The following ZNF804B variants were observed in gnomAD, a reference collection of about 807,000 sequenced individuals.
ZNF804B encodes the protein zinc finger 804B.
Under a neutral mutation model 101.4 loss-of-function variants are expected in ZNF804B, and 80 were observed. The observed-to-expected ratio is 0.79, with a 90% CI of 0.66 to 0.95. ZNF804B has a LOEUF of 0.95. Among genes scored for constraint, ZNF804B ranks in the 40% least tolerant of loss-of-function variants. The probability of loss-of-function intolerance (pLI) is 0.00; values close to 1 mark genes in which losing one functional copy is unlikely to be tolerated. For missense variants in ZNF804B, 1,673 were observed against 1,561.9 expected (o/e 1.07, Z -1.20); for synonymous variants, 622 against 558.8 (o/e 1.11, Z -1.59).
intron 1 of ZNF804B, among the ~76,000 whole-genome samples, chr7:88,986,945 A>T (rs889039742): frequency 1.3e-5 from 2 of 152,114 alleles, no homozygotes; most frequent in African/African-American, 4.8e-5. Flanking sequence ...CAAGTAAATC[A>T]ATGTTTGAAG....
At chr7:88,948,303 T>C (rs1205642346) in intron 1 of ZNF804B, among the ~76,000 whole-genome samples, 1 of 128,214 alleles carries the variant, frequency 7.8e-6, no homozygotes, top group Non-Finnish European at 1.6e-5. Context: ...TAGCCACCCA[T>C]CCATTTTTTT....
intron 1 of ZNF804B, among the ~76,000 whole-genome samples, chr7:89,010,234 T>TGG (rs34078059): frequency 0.14 from 21,330 of 152,084 alleles, 1,949 homozygotes; most frequent in East Asian, 0.29. Flanking sequence ...ATTTCATAAC[T>TGG]GACACTCAGA....
chr7:89,022,332 G>A (rs1014202862), intron 1 of ZNF804B, among the ~76,000 whole-genome samples: 2 of 152,090 alleles, frequency 1.3e-5, no homozygotes, highest in South Asian at 2.1e-4. Flanking sequence ...TTTACATTAC[G>A]AACTTTTAAA....
At chr7:89,288,916 A>T (rs2115891373) in intron 2 of ZNF804B, among the ~76,000 whole-genome samples, 1 of 152,350 alleles carries the variant, frequency 6.6e-6, no homozygotes, top group South Asian at 2.1e-4. Flanking sequence ...TGATAATAAT[A>T]GGTCAATGAG....
At chr7:88,780,561 A>AT (rs987237626) in intron 1 of ZNF804B, among the ~76,000 whole-genome samples, 3 of 151,384 alleles carry the variant, frequency 2.0e-5, no homozygotes, top group Admixed American at 6.6e-5. Context: ...CTAATTTTTG[A>AT]TTTTTTGTAG....
At chr7:89,017,319 A>G (rs1437856273) in intron 1 of ZNF804B, among the ~76,000 whole-genome samples, 3 of 152,168 alleles carry the variant, frequency 2.0e-5, no homozygotes, top group Non-Finnish European at 4.4e-5. Context: ...CTAATTGAAT[A>G]CACTTTATTT....
At chr7:88,962,647 G>T (rs1293034010) in intron 1 of ZNF804B, among the ~76,000 whole-genome samples, 1 of 146,422 alleles carries the variant, frequency 6.8e-6, no homozygotes. Context: ...AGTTAACGAA[G>T]TGACCTTGTG....
At chr7:88,894,820 A>G (rs532237492) in intron 1 of ZNF804B, among the ~76,000 whole-genome samples, 2 of 152,248 alleles carry the variant, frequency 1.3e-5, no homozygotes, top group South Asian at 4.1e-4. Context: ...TATGAAGATA[A>G]AAATAGATCA....
intron 1 of ZNF804B, among the ~76,000 whole-genome samples, chr7:88,893,310 G>T (rs1792239716): frequency 1.3e-5 from 2 of 151,864 alleles, no homozygotes; most frequent in South Asian, 2.1e-4. Context: ...TACCATTTTT[G>T]GGACATACTT....
At chr7:89,047,158 A>G (rs1428017804) in intron 1 of ZNF804B, among the ~76,000 whole-genome samples, 1 of 152,066 alleles carries the variant, frequency 6.6e-6, no homozygotes, top group African/African-American at 2.4e-5. Flanking sequence ...ATTAACATCT[A>G]TGGGTGATTT....
intron 1 of ZNF804B, among the ~76,000 whole-genome samples, chr7:89,037,713 T>G (rs1322337485): frequency 6.6e-6 from 1 of 152,076 alleles, no homozygotes; most frequent in African/African-American, 2.4e-5. Flanking sequence ...CAATACATTA[T>G]TAAGTATAGT....
At chr7:88,986,345 C>CA (rs1169516733) in intron 1 of ZNF804B, among the ~76,000 whole-genome samples, 6 of 152,168 alleles carry the variant, frequency 3.9e-5, no homozygotes, top group East Asian at 1.9e-4. Flanking sequence ...TCCCACAGCA[C>CA]AAAAAATACC....
intron 1 of ZNF804B, among the ~76,000 whole-genome samples, chr7:89,177,467 G>T (rs1037698272): frequency 5.3e-5 from 8 of 152,096 alleles, no homozygotes; most frequent in Admixed American, 4.6e-4. Context: ...ATTCCCTTGT[G>T]ATTAGATACT....
intron 1 of ZNF804B, among the ~76,000 whole-genome samples, chr7:89,048,046 C>A (rs1285476982): frequency 6.6e-6 from 1 of 152,188 alleles, no homozygotes; most frequent in East Asian, 1.9e-4. Context: ...GCACACATCA[C>A]CTGAGAAGCA....
In ZNF804B at chr7:88,854,531, C is replaced by CCT. The variant is rs1554340255; in HGVS notation, c.108+94447_108+94448insCT. Reference sequence around the variant, plus strand: ...CCTTTCCTTTCCTTTCCTTCCTTTCCTTCCTTCCTTCCTTCCTTCCTTCCT... The same window carrying CCT: ...CCTTTCCTTTCCTTTCCTTCCTTTCCCTTTCCTTCCTTCCTTCCTTCCTTCCT... On this transcript the variant is annotated intron_variant, in intron 1 of 3. Coordinates refer to ENST00000333190, the MANE Select transcript of ZNF804B (RefSeq NM_181646.5). 5.0e-3 allele frequency among the ~76,000 whole-genome samples: 258 copies of CCT among 51,964 alleles called. 7 individuals are homozygous for CCT. Among genetic ancestry groups the CCT allele is most frequent in the African/African-American group, 0.021 (238 of 11,338 alleles). 34.1% of individuals were successfully genotyped at this position (51,964 alleles called of 152,430 possible).
intron 2 of ZNF804B, among the ~76,000 whole-genome samples, chr7:89,234,794 C>T (rs1036234319): frequency 2.0e-5 from 3 of 152,124 alleles, no homozygotes; most frequent in Admixed American, 1.3e-4. Flanking sequence ...TGGGGTCTCT[C>T]GGGTGTTCAG....
chr7:89,030,794 A>G (rs920732559), intron 1 of ZNF804B, among the ~76,000 whole-genome samples: 10 of 152,110 alleles, frequency 6.6e-5, no homozygotes, highest in African/African-American at 2.4e-4. Flanking sequence ...ATAAAGGGCC[A>G]TTTGTGATCT....
intron 1 of ZNF804B, among the ~76,000 whole-genome samples, chr7:89,109,570 T>C (rs1271520450): frequency 6.6e-6 from 1 of 152,180 alleles, no homozygotes; most frequent in Non-Finnish European, 1.5e-5. Flanking sequence ...TGATTTCATT[T>C]TCTTGGTAAC....
intron 1 of ZNF804B, among the ~76,000 whole-genome samples, chr7:89,119,484 G>A (rs917619646): frequency 6.6e-5 from 10 of 152,064 alleles, no homozygotes; most frequent in Admixed American, 3.3e-4. Context: ...ATGAGATATT[G>A]AAATATTAAT....
Sources: gnomAD v4.1 joint callset for allele counts (sites outside exome capture counted in the v4.1 genomes callset) on GRCh38, gnomAD v4.1.1 for gene constraint, MANE v1.5 for transcripts, NCBI Gene and HGNC (gene_info 2026-07-23, HGNC 2026-07-21) for gene names.